TMEM178B: variants seen among roughly 807,000 people sequenced by gnomAD.
TMEM178B encodes transmembrane protein 178B.
A neutral mutation model predicts 31.0 loss-of-function variants in TMEM178B; 5 were observed. That is an observed-to-expected ratio of 0.16 (90% CI 0.08 to 0.34). TMEM178B has a LOEUF of 0.34. Ranked by LOEUF, TMEM178B falls within the 10% of genes least tolerant of loss-of-function variation. TMEM178B has a pLI of 1.00. For missense variants in TMEM178B, 275 were observed against 400.3 expected, an observed-to-expected ratio of 0.69 and a Z score of 2.67; for synonymous variants, 164 against 164.0, an observed-to-expected ratio of 1.00 and a Z score of 0.00.
intron 2 of TMEM178B, among the ~76,000 whole-genome samples, chr7:141,436,177 G>C (rs1004936355): frequency 3.9e-5 from 6 of 152,220 alleles, no homozygotes; most frequent in South Asian, 2.1e-4. Flanking sequence ...TGGAGTGAGA[G>C]AGAGGAATGG....
chr7:141,091,868 C>T (rs147239468), intron 1 of TMEM178B, among the ~76,000 whole-genome samples: 16 of 152,220 alleles, frequency 1.1e-4, no homozygotes, highest in South Asian at 6.2e-4. Flanking sequence ...GCTGAGACTA[C>T]GGGCATGTGC....
At chr7:141,378,923 T>C (rs1016607225) in intron 2 of TMEM178B, among the ~76,000 whole-genome samples, 1 of 152,104 alleles carries the variant, frequency 6.6e-6, no homozygotes, top group African/African-American at 2.4e-5. Context: ...GAATTGCCCT[T>C]GGGGGCACCC....
chr7:141,200,717 T>A (rs1796862403), intron 1 of TMEM178B, among the ~76,000 whole-genome samples: 1 of 152,124 alleles, frequency 6.6e-6, no homozygotes, highest in South Asian at 2.1e-4. Flanking sequence ...GTGAACAGTG[T>A]GGGCAAGGTC....
chr7:141,432,040 A>G (rs190287347), intron 2 of TMEM178B, among the ~76,000 whole-genome samples: 3 of 151,560 alleles, frequency 2.0e-5, no homozygotes, highest in Non-Finnish European at 4.4e-5. Context: ...AAGTGCAAAT[A>G]TGGGATAGAA....
chr7:141,396,456 T>G (rs1800640924), intron 2 of TMEM178B, among the ~76,000 whole-genome samples: 1 of 152,200 alleles, frequency 6.6e-6, no homozygotes. Context: ...TTTGCCGCCT[T>G]GAAGGTCTTT....
intron 3 of TMEM178B, among the ~76,000 whole-genome samples, chr7:141,447,645 A>C (rs564010583): frequency 6.6e-6 from 1 of 151,990 alleles, no homozygotes; most frequent in Non-Finnish European, 1.5e-5. Context: ...CTCTCTGGCT[A>C]TGTCAGCCTC....
intron 2 of TMEM178B, among the ~76,000 whole-genome samples, chr7:141,227,244 C>CGACCATCTTAGCT (rs1209958318): frequency 6.6e-6 from 1 of 152,200 alleles, no homozygotes; most frequent in East Asian, 1.9e-4. Context: ...GCTTGGATAA[C>CGACCATCTTAGCT]TGGCCAGGAA....
chr7:141,337,212 TCACCAC>T (rs879879615), intron 2 of TMEM178B, among the ~76,000 whole-genome samples: 1 of 18,496 alleles, frequency 5.4e-5, no homozygotes, highest in Non-Finnish European at 1.1e-4. Context: ...ACCACCACCA[TCACCAC>T]CACCACCACC....
chr7:141,283,164 C>G (rs1327184108), intron 2 of TMEM178B, among the ~76,000 whole-genome samples: 1 of 152,200 alleles, frequency 6.6e-6, no homozygotes, highest in Non-Finnish European at 1.5e-5. Flanking sequence ...ATAGACTCAG[C>G]TCTTTCCCAA....
intron 2 of TMEM178B, among the ~76,000 whole-genome samples, chr7:141,334,135 C>G (rs1476704666): frequency 1.3e-5 from 2 of 152,218 alleles, no homozygotes; most frequent in Non-Finnish European, 2.9e-5. Context: ...TCCACACAAC[C>G]CTGGGATAGA....
intron 2 of TMEM178B, among the ~76,000 whole-genome samples, chr7:141,226,897 A>G (rs1392296029): frequency 6.6e-6 from 1 of 151,130 alleles, no homozygotes; most frequent in East Asian, 1.9e-4. Flanking sequence ...AGTAATTACT[A>G]GTTCCGTTTT....
At chr7:141,349,037 A>G (rs564276005) in intron 2 of TMEM178B, among the ~76,000 whole-genome samples, 1 of 152,260 alleles carries the variant, frequency 6.6e-6, no homozygotes, top group African/African-American at 2.4e-5. Flanking sequence ...AACAAATAAT[A>G]TAGTTTATGT....
intron 2 of TMEM178B, among the ~76,000 whole-genome samples, chr7:141,394,601 G>A (rs1270149659): frequency 6.6e-6 from 1 of 152,160 alleles, no homozygotes; most frequent in African/African-American, 2.4e-5. Context: ...CCAAATCATA[G>A]CCCCTGTGTA....
chr7:141,342,539 G>C (rs1586902911), intron 2 of TMEM178B, among the ~76,000 whole-genome samples: 2 of 152,320 alleles, frequency 1.3e-5, no homozygotes, highest in South Asian at 4.1e-4. Flanking sequence ...AGGTCTTCCT[G>C]ATGACCCTCA....
chr7:141,315,625 CATCTTTTGG>C (rs1798988834), intron 2 of TMEM178B, among the ~76,000 whole-genome samples: 1 of 152,172 alleles, frequency 6.6e-6, no homozygotes, highest in Admixed American at 6.5e-5. Flanking sequence ...GTATCTTTTG[CATCTTTTGG>C]ATTTAGATTT....
chr7:141,497,762 G>A, the TMEM178B span, among the ~76,000 whole-genome samples: 183 of 152,304 alleles, frequency 1.2e-3, no homozygotes, highest in African/African-American at 4.2e-3. Context: ...AGAAACTGCG[G>A]CATGATATTA....
At chr7:141,242,116 T>A (rs188480642) in intron 2 of TMEM178B, among the ~76,000 whole-genome samples, 146 of 152,348 alleles carry the variant, frequency 9.6e-4, no homozygotes, top group Admixed American at 1.6e-3. Flanking sequence ...TCAGCTCTAA[T>A]ATTCATGCTC....
In TMEM178B at chr7:141,158,774, G is replaced by T. The variant is rs570401624; in HGVS notation, c.383-53817G>T. On this transcript the variant is annotated intron_variant, in intron 1 of 3. Coordinates refer to ENST00000565468, the MANE Select transcript of TMEM178B (RefSeq NM_001195278.2). ...TTCTCAGGCCTCTGCTTGGAGATGC[G>T]GTCTGACTTCCTGCCAGCCTGCATG... 2.0e-5 allele frequency among the ~76,000 whole-genome samples: 3 copies of T among 152,040 alleles called. 1 individual carries two copies. The East Asian group carries it at 5.8e-4, about 29-fold the overall frequency.
intron 2 of TMEM178B, among the ~76,000 whole-genome samples, chr7:141,239,331 C>T (rs75374981): frequency 0.023 from 3,439 of 152,076 alleles, 68 homozygotes; most frequent in Non-Finnish European, 0.034. Context: ...GGCAGGGGAG[C>T]GGGACTGGTC....
Sources: gnomAD v4.1 joint callset for allele counts (sites outside exome capture counted in the v4.1 genomes callset) on GRCh38, gnomAD v4.1.1 for gene constraint, MANE v1.5 for transcripts, NCBI Gene and HGNC (gene_info 2026-07-23, HGNC 2026-07-21) for gene names.